The following SCN11A variants were observed in gnomAD, a reference collection of about 807,000 sequenced individuals.
SCN11A encodes the protein sodium channel protein type 11 subunit alpha.
A neutral mutation model predicts 162.2 loss-of-function variants in SCN11A; 122 were observed. That is an observed-to-expected ratio of 0.75 (90% CI 0.65 to 0.87). The LOEUF is 0.87. SCN11A is among the 40% of genes least tolerant of loss of function. The probability of loss-of-function intolerance (pLI) is 0.00; values close to 1 mark genes in which losing one functional copy is unlikely to be tolerated. For synonymous variants in SCN11A, 758 were observed against 751.5 expected, an observed-to-expected ratio of 1.01 and a Z score of -0.14; for missense variants, 2,015 against 2,181.6, an observed-to-expected ratio of 0.92 and a Z score of 1.52.
intron 28 of SCN11A, among the ~76,000 whole-genome samples, chr3:38,861,849 A>G (rs1159129239): frequency 6.6e-6 from 1 of 152,204 alleles, no homozygotes; most frequent in African/African-American, 2.4e-5. Context: ...CATGACCAAG[A>G]ACCCAAATGC....
chr3:38,846,568 G>A lies in SCN11A; in HGVS notation c.*126C>T. The stretch of plus-strand genomic sequence containing the variant: ...ATTGAAATATCATTTATTTTAGCCA[G>A]AAAAGAAAATGGAATGGCTAATTTG... On this transcript the variant is annotated 3_prime_UTR_variant, in exon 30 of 30. Transcript: ENST00000302328. 1.4e-6 allele frequency: 1 copy of A among 708,306 alleles called. No individual in the cohort carries two copies. Among genetic ancestry groups the A allele is most frequent in the Non-Finnish European group, 2.4e-6 (1 of 408,862 alleles). The allele number at this position is 708,306 out of a possible 1,614,324, so 43.9% of individuals were successfully genotyped here.
intron 2 of SCN11A, among the ~76,000 whole-genome samples, chr3:38,999,557 C>T (rs2030745720): frequency 6.6e-6 from 1 of 152,028 alleles, no homozygotes; most frequent in Admixed American, 6.6e-5. Flanking sequence ...TCTGCCAGAC[C>T]CTCATTTCTT....
intron 28 of SCN11A, among the ~76,000 whole-genome samples, chr3:38,859,174 A>G (rs2064922010): frequency 2.0e-5 from 3 of 152,168 alleles, no homozygotes; most frequent in Non-Finnish European, 4.4e-5. Context: ...ATAAATAACA[A>G]AGATCAAGCA....
intron 2 of SCN11A, among the ~76,000 whole-genome samples, chr3:39,015,956 C>T (rs1333716519): frequency 1.3e-5 from 2 of 152,066 alleles, no homozygotes; most frequent in Non-Finnish European, 1.5e-5. Context: ...AGGCTGGTCT[C>T]GAACTTCTGA....
intron 2 of SCN11A, among the ~76,000 whole-genome samples, chr3:39,001,768 C>T (rs1402066233): frequency 1.3e-5 from 2 of 152,210 alleles, no homozygotes; most frequent in African/African-American, 4.8e-5. Context: ...GGCGCAGTGG[C>T]TCACGCCTGT....
intron 11 of SCN11A, among the ~76,000 whole-genome samples, chr3:38,912,885 G>A (rs2065905192): frequency 6.6e-6 from 1 of 152,140 alleles, no homozygotes. Context: ...GTCACTGATA[G>A]GCATTCAGGT....
At chr3:38,848,535 T>C (rs1228869176) in intron 29 of SCN11A, among the ~76,000 whole-genome samples, 2 of 152,182 alleles carry the variant, frequency 1.3e-5, no homozygotes, top group African/African-American at 2.4e-5. Context: ...GTTGATTATA[T>C]ACTTCACTGA....
chr3:39,013,565 G>A (rs914532465), intron 2 of SCN11A, among the ~76,000 whole-genome samples: 9 of 152,178 alleles, frequency 5.9e-5, no homozygotes, highest in African/African-American at 1.9e-4. Flanking sequence ...GGAAGAAAGG[G>A]AGAGGCACAA....
chr3:38,907,349 TCTATATATACACACACAC>T (rs1251168185), intron 14 of SCN11A, among the ~76,000 whole-genome samples: 491 of 16,522 alleles, frequency 0.03, 6 homozygotes, highest in African/African-American at 0.043. Flanking sequence ...TGTGTATATA[TCTATATATACACACACAC>T]ACACACACAC....
At chr3:39,029,794 T>G (rs1192296603) in intron 2 of SCN11A, among the ~76,000 whole-genome samples, 1 of 152,230 alleles carries the variant, frequency 6.6e-6, no homozygotes, top group Non-Finnish European at 1.5e-5. Context: ...GGCATTCATG[T>G]ACAACCAATT....
chr3:38,980,496 C>A (rs966429745), intron 2 of SCN11A, among the ~76,000 whole-genome samples: 2 of 152,144 alleles, frequency 1.3e-5, no homozygotes, highest in Admixed American at 1.3e-4. Context: ...TACGCTCTTA[C>A]TGCGGAGCCC....
At chr3:38,853,843 T>C (rs2064823668) in intron 28 of SCN11A, among the ~76,000 whole-genome samples, 1 of 152,206 alleles carries the variant, frequency 6.6e-6, no homozygotes, top group Admixed American at 6.5e-5. Context: ...ACCAACTCTG[T>C]TGTGCCTATT....
At chr3:38,908,293 T>C (rs2065833166) in intron 13 of SCN11A, among the ~76,000 whole-genome samples, 171 bp from the exon 14 acceptor site, 1 of 152,174 alleles carries the variant, frequency 6.6e-6, no homozygotes, top group South Asian at 2.1e-4. Context: ...TGGGGAAACA[T>C]GTCCTGTTTT....
At chr3:38,867,997 A>G (rs1197947097) in intron 26 of SCN11A, among the ~76,000 whole-genome samples, 1 of 152,194 alleles carries the variant, frequency 6.6e-6, no homozygotes, top group Non-Finnish European at 1.5e-5. Context: ...TTTGATACAC[A>G]TGGAATAAAT....
At chr3:38,949,633 A>G (rs755604480) in intron 5 of SCN11A, among the ~76,000 whole-genome samples, 27 of 152,216 alleles carry the variant, frequency 1.8e-4, no homozygotes, top group Non-Finnish European at 3.5e-4. Flanking sequence ...TTGTATCAGT[A>G]TAATGCATTA....
At chr3:38,973,292 A>G (rs1042642752) in intron 2 of SCN11A, among the ~76,000 whole-genome samples, 1 of 152,168 alleles carries the variant, frequency 6.6e-6, no homozygotes, top group Non-Finnish European at 1.5e-5. Flanking sequence ...TTTTGAATAA[A>G]TAAATATTAT....
chr3:38,960,251 G>A (rs1253210242), intron 3 of SCN11A, among the ~76,000 whole-genome samples, 32 bp downstream of exon 3: 1 of 152,190 alleles, frequency 6.6e-6, no homozygotes. Flanking sequence ...TGAAAGAACA[G>A]AACAGGCCTG....
intron 28 of SCN11A, among the ~76,000 whole-genome samples, chr3:38,854,352 A>G (rs1448846049): frequency 1.3e-5 from 2 of 152,220 alleles, no homozygotes; most frequent in Non-Finnish European, 2.9e-5. Flanking sequence ...TTTATCATAA[A>G]TACTTGTAAA....
At position 38,847,237 on chromosome 3, in the gene SCN11A, A is replaced by G; in HGVS notation, c.4833T>C (p.Thr1611=). ...AVILENFNTA[T]EESEDPLGED... is the part of the protein sequence containing the mutation. ...CACCCAAAGGGTCCTCACTTTCTTC[A>G]GTGGCTGTATTGAAGTTCTCTAAAA... The change falls in exon 30 of 30, where the codon ACT becomes ACC. Residue 1611 remains threonine (T), a synonymous_variant. Coordinates refer to ENST00000302328, the MANE Select transcript of SCN11A (RefSeq NM_001349253.2). 1.2e-6 allele frequency: 2 copies of G among 1,614,094 alleles called. No homozygotes were observed. Among genetic ancestry groups the G allele is most frequent in the Non-Finnish European group, 1.7e-6 (2 of 1,179,956 alleles).
Sources: gnomAD v4.1 joint callset for allele counts (sites outside exome capture counted in the v4.1 genomes callset) on GRCh38, gnomAD v4.1.1 for gene constraint, MANE v1.5 for transcripts, NCBI Gene and HGNC (gene_info 2026-07-23, HGNC 2026-07-21) for gene names.